Variants in FGF13 observed in about 807,000 individuals in gnomAD.
The protein encoded by FGF13 is fibroblast growth factor 13.
In FGF13, 2 loss-of-function variants were observed where a neutral mutation model predicts 19.5. That is an observed-to-expected ratio of 0.10 (90% CI 0.04 to 0.32). The LOEUF is 0.32. Among genes scored for constraint, FGF13 ranks in the 10% least tolerant of loss-of-function variants. The pLI is 1.00. For synonymous variants in FGF13, 72 were observed against 76.9 expected, an observed-to-expected ratio of 0.94 and a Z score of 0.33; for missense variants, 113 against 192.7, an observed-to-expected ratio of 0.59 and a Z score of 2.45.
At chrX:139,011,361 C>CAAAA (rs3047329) in intron 1 of FGF13, among the ~76,000 whole-genome samples, 20 of 82,847 alleles carry the variant, frequency 2.4e-4, no homozygotes, top group South Asian at 6.9e-4. Context: ...AACAAACAAA[C>CAAAA]AAAAAAAAAA....
At chrX:139,188,667 A>C (rs932855246) in intron 1 of FGF13, among the ~76,000 whole-genome samples, 9 of 112,254 alleles carry the variant, frequency 8.0e-5, no homozygotes, top group Non-Finnish European at 1.5e-4. Flanking sequence ...TATTCAACAA[A>C]TGTTTCTCCC....
At chrX:138,856,978 T>G (rs763043632), downstream of FGF13, among the ~76,000 whole-genome samples, 1 of 111,987 alleles carries the variant, frequency 8.9e-6, no homozygotes, top group South Asian at 3.7e-4. Context: ...CCTTGAGGCA[T>G]GCATTTTACC....
At chrX:139,027,885 C>T (rs1012839575) in intron 1 of FGF13, among the ~76,000 whole-genome samples, 11 of 103,245 alleles carry the variant, frequency 1.1e-4, no homozygotes, top group Non-Finnish European at 2.0e-4. Context: ...CATTTCGTCT[C>T]AAATTTTTGA....
intron 3 of FGF13, among the ~76,000 whole-genome samples, chrX:138,699,547 G>A (rs2089927277): frequency 9.0e-6 from 1 of 110,724 alleles, no homozygotes; most frequent in Non-Finnish European, 1.9e-5. Flanking sequence ...ACTAGAATCT[G>A]GCTTCTGTTC....
downstream of FGF13, among the ~76,000 whole-genome samples, chrX:138,855,876 C>T (rs1283312218): frequency 1.8e-5 from 2 of 110,709 alleles, no homozygotes; most frequent in African/African-American, 3.3e-5. Context: ...ATTGCTTGAG[C>T]GAATTTAACC....
At chrX:138,753,492 A>T (rs2124320059) in intron 3 of FGF13, among the ~76,000 whole-genome samples, 1 of 112,259 alleles carries the variant, frequency 8.9e-6, no homozygotes, top group African/African-American at 3.2e-5. Flanking sequence ...CTACCTTATC[A>T]GTGTACTGGA....
chrX:138,747,880 C>A (rs2090367326), intron 3 of FGF13, among the ~76,000 whole-genome samples: 1 of 111,077 alleles, frequency 9.0e-6, no homozygotes, highest in Non-Finnish European at 1.9e-5. Context: ...GGCCTGGTAC[C>A]TTGGAAATGG....
intron 1 of FGF13, among the ~76,000 whole-genome samples, chrX:139,097,168 T>C (rs2083475932): frequency 8.9e-6 from 1 of 112,389 alleles, no homozygotes; most frequent in East Asian, 2.8e-4. Flanking sequence ...TAAGTTTCAC[T>C]TTAAAAGTTC....
intron 1 of FGF13, among the ~76,000 whole-genome samples, chrX:138,932,258 G>C (rs2091705477): frequency 8.9e-6 from 1 of 111,865 alleles, no homozygotes; most frequent in African/African-American, 3.3e-5. Context: ...CCATCCTTTT[G>C]TACCAGATCA....
chrX:138,658,029 C>T (rs889051400), intron 3 of FGF13, among the ~76,000 whole-genome samples: 1 of 111,140 alleles, frequency 9.0e-6, no homozygotes, highest in African/African-American at 3.3e-5. Context: ...GAGGATCAGT[C>T]GTGAAAGTGG....
intron 1 of FGF13, among the ~76,000 whole-genome samples, chrX:138,873,374 C>T (rs1430388535): frequency 8.9e-6 from 1 of 112,065 alleles, no homozygotes; most frequent in Non-Finnish European, 1.9e-5. Context: ...ATGGAAATCA[C>T]TAGTTATTGA....
At chrX:138,931,373 C>G (rs1228575158) in intron 1 of FGF13, among the ~76,000 whole-genome samples, 1 of 111,761 alleles carries the variant, frequency 8.9e-6, no homozygotes, top group Non-Finnish European at 1.9e-5. Flanking sequence ...GGGAAACCTT[C>G]AAGTGAACAC....
At chrX:139,200,680 C>T (rs1384989857) in intron 1 of FGF13, among the ~76,000 whole-genome samples, 1 of 112,360 alleles carries the variant, frequency 8.9e-6, no homozygotes, top group Non-Finnish European at 1.9e-5. Flanking sequence ...AAAGAACACA[C>T]CCAACTCCAA....
intron 1 of FGF13, among the ~76,000 whole-genome samples, chrX:138,927,594 G>A (rs2091680471): frequency 8.9e-6 from 1 of 111,916 alleles, no homozygotes; most frequent in African/African-American, 3.2e-5. Flanking sequence ...CACAGACTTA[G>A]AACAAAAAAA....
Position 138,703,741 on chromosome X carries a change from T to C in FGF13, c.299-654A>G, listed in dbSNP as rs370441728. ...CCTTTTTTCATTTTTTGAGACAGAGTTTCGCTCTTGTTTCCCAGGCTGGAG... is the reference window on the plus strand; with the variant it reads ...CCTTTTTTCATTTTTTGAGACAGAGCTTCGCTCTTGTTTCCCAGGCTGGAG... On this transcript the variant is annotated intron_variant, in intron 2 of 4. Coordinates refer to ENST00000315930, the MANE Select transcript of FGF13 (RefSeq NM_004114.5). 4.2e-4 allele frequency among the ~76,000 whole-genome samples: 47 copies of C among 112,185 alleles called. 1 individual carries two copies. In the East Asian group the frequency reaches 0.013, roughly 31 times the overall value.
chrX:139,023,629 G>T (rs2092187720), intron 1 of FGF13, among the ~76,000 whole-genome samples: 1 of 111,342 alleles, frequency 9.0e-6, no homozygotes, highest in African/African-American at 3.3e-5. Flanking sequence ...TTCTACAAAG[G>T]TGAAAATAAC....
At chrX:138,780,405 G>T (rs1304157454) in intron 3 of FGF13, among the ~76,000 whole-genome samples, 19 of 91,589 alleles carry the variant, frequency 2.1e-4, no homozygotes, top group African/African-American at 8.0e-4. Context: ...TCAGTGTGCT[G>T]TATTCAGGAA....
At chrX:138,881,283 A>G (rs1479698151) in intron 1 of FGF13, among the ~76,000 whole-genome samples, 1 of 111,716 alleles carries the variant, frequency 9.0e-6, no homozygotes, top group East Asian at 2.8e-4. Context: ...TGCACCCTGC[A>G]ATTTTGCTCT....
intron 1 of FGF13, among the ~76,000 whole-genome samples, chrX:138,998,702 A>G (rs1284265621): frequency 3.6e-5 from 4 of 111,626 alleles, no homozygotes; most frequent in Non-Finnish European, 7.5e-5. Flanking sequence ...TTAGAGACCT[A>G]CAAAGAGACT....
Sources: gnomAD v4.1 joint callset for allele counts (sites outside exome capture counted in the v4.1 genomes callset) on GRCh38, gnomAD v4.1.1 for gene constraint, MANE v1.5 for transcripts, NCBI Gene and HGNC (gene_info 2026-07-23, HGNC 2026-07-21) for gene names.